Variants in CDH12 observed in about 807,000 individuals in gnomAD.
CDH12 encodes the protein cadherin-12.
Under a neutral mutation model 74.1 loss-of-function variants are expected in CDH12, and 41 were observed. The observed-to-expected ratio is 0.55, with a 90% CI of 0.43 to 0.72. The LOEUF (loss-of-function observed/expected upper bound fraction) is 0.72. Ranked by LOEUF, CDH12 falls within the 30% of genes least tolerant of loss-of-function variation. CDH12 has a pLI of 0.00. For missense variants in CDH12, 945 were observed against 977.2 expected (o/e 0.97, Z 0.44); for synonymous variants, 399 against 355.0 (o/e 1.12, Z -1.39).
rs575595466 is a variant in CDH12, at chr5:22,504,357, A to G, written c.-428+913T>C. On this transcript the variant is annotated intron_variant, in intron 2 of 14. Transcript: ENST00000382254. Reference sequence around the variant, plus strand: ...TTACTGAATAAGCTAATCTCATAAAAGGATAATGAGAAAGAAAAAGAAAAG... The same window carrying G: ...TTACTGAATAAGCTAATCTCATAAAGGGATAATGAGAAAGAAAAAGAAAAG... Among the ~76,000 whole-genome samples, 3 of 152,204 alleles carry G rather than the reference A, an allele frequency of 2.0e-5. No homozygotes were observed. In the East Asian group the frequency reaches 5.8e-4, roughly 29 times the overall value.
intron 2 of CDH12, among the ~76,000 whole-genome samples, chr5:22,444,893 G>T (rs541777293): frequency 6.6e-6 from 1 of 151,768 alleles, no homozygotes; most frequent in African/African-American, 2.4e-5. Context: ...TATGCTTCTT[G>T]TTTTAGTGCT....
intron 3 of CDH12, among the ~76,000 whole-genome samples, chr5:22,346,311 C>T (rs1475315090): frequency 6.6e-6 from 1 of 152,094 alleles, no homozygotes; most frequent in Non-Finnish European, 1.5e-5. Context: ...AAAATCCTAT[C>T]ATTCATATTT....
chr5:22,645,992 A>AT (rs1464640677), intron 1 of CDH12, among the ~76,000 whole-genome samples: 1 of 151,856 alleles, frequency 6.6e-6, no homozygotes, highest in East Asian at 1.9e-4. Context: ...TTATTGGGAT[A>AT]TTTGTTTTAT....
At chr5:22,495,037 CA>C (rs1379494048) in intron 2 of CDH12, among the ~76,000 whole-genome samples, 17 of 152,102 alleles carry the variant, frequency 1.1e-4, no homozygotes, top group Admixed American at 3.3e-4. Flanking sequence ...ACAACAACAA[CA>C]AAAACTCCTT....
chr5:21,764,880 A>G, intron 12 of CDH12, 98 bp downstream of exon 12: 2 of 1,160,386 alleles, frequency 1.7e-6, no homozygotes, highest in Non-Finnish European at 2.5e-6. Flanking sequence ...TGATTCAGAA[A>G]AACAAATATA....
At chr5:21,799,680 C>T (rs1239963411) in intron 10 of CDH12, among the ~76,000 whole-genome samples, 1 of 152,302 alleles carries the variant, frequency 6.6e-6, no homozygotes, top group East Asian at 1.9e-4. Flanking sequence ...CAGCTATGAG[C>T]ATTCATAATT....
intron 1 of CDH12, among the ~76,000 whole-genome samples, chr5:22,746,443 T>C (rs1745301118): frequency 6.6e-6 from 1 of 152,232 alleles, no homozygotes; most frequent in African/African-American, 2.4e-5. Flanking sequence ...ATCAGAGATC[T>C]GTTTAAAAAG....
intron 4 of CDH12, among the ~76,000 whole-genome samples, chr5:22,122,206 C>T (rs769756746): frequency 2.6e-5 from 4 of 152,028 alleles, no homozygotes; most frequent in Non-Finnish European, 4.4e-5. Flanking sequence ...ATTTCAAGAC[C>T]GGCCTGGCCA....
chr5:22,186,711 T>A (rs1319537891), intron 4 of CDH12, among the ~76,000 whole-genome samples: 1 of 152,186 alleles, frequency 6.6e-6, no homozygotes, highest in Non-Finnish European at 1.5e-5. Flanking sequence ...CCTCAAGTGA[T>A]GCCCCCGCCT....
intron 3 of CDH12, among the ~76,000 whole-genome samples, chr5:22,392,134 G>A (rs1742274615): frequency 6.6e-6 from 1 of 152,130 alleles, no homozygotes; most frequent in Non-Finnish European, 1.5e-5. Context: ...GGGGAGTAAG[G>A]GAGACTCACT....
intron 3 of CDH12, among the ~76,000 whole-genome samples, chr5:22,317,565 T>C (rs2150434418): frequency 6.6e-6 from 1 of 152,288 alleles, no homozygotes; most frequent in Middle Eastern, 3.4e-3. Flanking sequence ...TTTGTTAATT[T>C]GATTGTAAAC....
At chr5:22,811,008 TACAC>T (rs1170551615) in intron 1 of CDH12, among the ~76,000 whole-genome samples, 1 of 150,526 alleles carries the variant, frequency 6.6e-6, no homozygotes, top group African/African-American at 2.5e-5. Context: ...CATATAGACA[TACAC>T]ATATATACAT....
Position 22,218,212 on chromosome 5 carries a change from C to G in CDH12, c.-332-5569G>C, listed in dbSNP as rs551504867. On this transcript the variant is annotated intron_variant, in intron 3 of 14. Coordinates refer to ENST00000382254, the MANE Select transcript of CDH12 (RefSeq NM_004061.5). ...GTTTTTTAAAAAGTTAAACGTATGC[C>G]TATCGTGTGATGCAGCCATCTCGCT... 2.4e-3 allele frequency among the ~76,000 whole-genome samples: 368 copies of G among 151,664 alleles called. 3 individuals are homozygous for G. Among genetic ancestry groups the G allele is most frequent in the African/African-American group, 8.7e-3 (361 of 41,474 alleles).
chr5:22,562,950 A>G (rs1739126842), intron 1 of CDH12, among the ~76,000 whole-genome samples: 1 of 147,830 alleles, frequency 6.8e-6, no homozygotes, highest in Non-Finnish European at 1.5e-5. Flanking sequence ...TTAAATATTT[A>G]TATTTTATAT....
At chr5:22,538,288 C>T (rs948277868) in intron 1 of CDH12, among the ~76,000 whole-genome samples, 57 of 152,312 alleles carry the variant, frequency 3.7e-4, no homozygotes, top group Middle Eastern at 3.4e-3. Context: ...CACATCATAT[C>T]ACCTCCCTAT....
chr5:22,774,332 A>G (rs1186943218), intron 1 of CDH12, among the ~76,000 whole-genome samples: 5 of 152,166 alleles, frequency 3.3e-5, no homozygotes, highest in Non-Finnish European at 7.3e-5. Context: ...AGCAACATGG[A>G]TGCAGCTGGA....
At chr5:22,277,006 T>A (rs72742072) in intron 3 of CDH12, among the ~76,000 whole-genome samples, 18,131 of 152,252 alleles carry the variant, frequency 0.12, 1,136 homozygotes, top group South Asian at 0.17. Flanking sequence ...AGTTAATGAT[T>A]TAGCTAAGTG....
At position 22,563,925 on chromosome 5, in the gene CDH12, A is replaced by C. The variant is rs2126754649; in HGVS notation, c.-522-58561T>G. 2.0e-5 allele frequency among the ~76,000 whole-genome samples: 3 copies of C among 152,260 alleles called. No homozygotes were observed. The South Asian group carries it at 6.2e-4, about 32-fold the overall frequency. On this transcript the variant is annotated intron_variant, in intron 1 of 14. Coordinates refer to ENST00000382254, the MANE Select transcript of CDH12 (RefSeq NM_004061.5). ...AGCATGAGAAAGACCTACCCCCATG[A>C]TTCAAGCATCTCCCACCAGGTCCCT...
chr5:21,893,220 A>G (rs1342900621), intron 6 of CDH12, among the ~76,000 whole-genome samples: 1 of 152,110 alleles, frequency 6.6e-6, no homozygotes, highest in East Asian at 1.9e-4. Context: ...TGGGTGGATC[A>G]TTTGAATGCG....
Sources: allele counts gnomAD v4.1 joint callset (sites outside exome capture counted in the v4.1 genomes callset), GRCh38; gene constraint gnomAD v4.1.1; transcripts MANE v1.5; gene names NCBI Gene and HGNC (gene_info 2026-07-23, HGNC 2026-07-21).